Variants in EEF2K observed in about 807,000 individuals in gnomAD.
EEF2K encodes alternative protein EEF2K.
EEF2K carries 70 observed loss-of-function variants against 93.8 expected under a neutral mutation model. That is an observed-to-expected ratio of 0.75 (90% CI 0.62 to 0.91). The LOEUF is 0.91. Ranked by LOEUF, EEF2K falls within the 40% of genes least tolerant of loss-of-function variation. The pLI, the probability that EEF2K is intolerant of heterozygous loss-of-function variation, is 0.00. For synonymous variants in EEF2K, 376 were observed against 380.8 expected (o/e 0.99, Z 0.15); for missense variants, 935 against 972.9 (o/e 0.96, Z 0.52).
intron 2 of EEF2K, among the ~76,000 whole-genome samples, chr16:22,226,816 C>T (rs1290902318): frequency 6.6e-6 from 1 of 152,204 alleles, no homozygotes; most frequent in Non-Finnish European, 1.5e-5. Context: ...TGTCTCACAC[C>T]TGTGATGCCA....
intron 15 of EEF2K, among the ~76,000 whole-genome samples, chr16:22,270,559 G>A (rs75175723): frequency 1.3e-5 from 2 of 152,050 alleles, no homozygotes; most frequent in Admixed American, 1.3e-4. Flanking sequence ...CCAGCTCCCC[G>A]ATTCTTTTTG....
intron 2 of EEF2K, among the ~76,000 whole-genome samples, chr16:22,233,869 A>T (rs1284025322): frequency 1.3e-5 from 2 of 152,118 alleles, no homozygotes; most frequent in Non-Finnish European, 2.9e-5. Flanking sequence ...CTCCCACCTC[A>T]GCCTCCCGAG....
In EEF2K at chr16:22,223,176, T is replaced by C. The variant is rs1426964857; in HGVS notation, c.-76-2478T>C. ...CTAGTGGTTGTAAGTTTCATCCATA[T>C]TGTAGTGTATGTCAGCACCTAGGAG... is the stretch of plus-strand genomic sequence containing the variant. On this transcript the variant is annotated intron_variant, in intron 1 of 17. Coordinates refer to ENST00000263026, the MANE Select transcript of EEF2K (RefSeq NM_013302.5). Among the ~76,000 whole-genome samples, 7 of 152,262 alleles carry C rather than the reference T, an allele frequency of 4.6e-5. 1 individual carries two copies. Among genetic ancestry groups the C allele is most frequent in the South Asian group, 4.1e-4 (2 of 4,822 alleles).
intron 1 of EEF2K, among the ~76,000 whole-genome samples, chr16:22,223,926 G>C (rs1038906974): frequency 1.5e-4 from 23 of 152,122 alleles, no homozygotes; most frequent in African/African-American, 5.6e-4. Flanking sequence ...GTGCTTTTAG[G>C]CCAGGCGTGG....
In EEF2K at chr16:22,251,260, C is replaced by T. The variant is rs767258504; in HGVS notation, c.556C>T (p.Arg186Cys). ...CCGGGATGTGTACTTTGAGGACGTG[C>T]GTCTACAGATGGAGGCCAAGCTCTG... ...VDRDVYFEDV[R>C]LQMEAKLWGE... Residue 186 changes from arginine (R) to cysteine (C), a missense_variant, in exon 6 of 18, where the codon CGT becomes TGT. Arg to Cys is a radical substitution (Grantham distance 180). Transcript: ENST00000263026. 1.5e-5 allele frequency: 25 copies of T among 1,613,990 alleles called. No homozygotes were observed. The highest frequency in any genetic ancestry group is 2.2e-5 in the East Asian group (1 of 44,872).
In EEF2K at chr16:22,207,162, C is replaced by T. The variant is rs891056877; in HGVS notation, c.-77+483C>T. Among the ~76,000 whole-genome samples the T allele has an allele frequency of 8.5e-5, 13 of 152,176 alleles. 1 individual carries two copies. The highest frequency in any genetic ancestry group is 5.9e-4 in the Admixed American group (9 of 15,280). On this transcript the variant is annotated intron_variant, in intron 1 of 17. Transcript: ENST00000263026. ...TTGGCTGCGGGAGTTTGTTGGCAGGCGCTGCTGACATGTGTGCCAAGGGGC... is the reference window on the plus strand; with the variant it reads ...TTGGCTGCGGGAGTTTGTTGGCAGGTGCTGCTGACATGTGTGCCAAGGGGC...
rs376491451 is a variant in EEF2K at position 22,225,954 on chromosome 16, G to A, written c.225G>A (p.Pro75=). 11 of 1,613,922 alleles carry A rather than the reference G, an allele frequency of 6.8e-6. No individual in the cohort carries two copies. The highest frequency in any genetic ancestry group is 2.2e-5 in the East Asian group (1 of 44,900). Residue 75 remains proline, a synonymous_variant, in exon 2 of 18, where the codon CCG becomes CCA. Coordinates refer to ENST00000263026, the MANE Select transcript of EEF2K (RefSeq NM_013302.5). ...AGCGGTATAGCTCCAGCGGGTCCCCGGCAAACTCCTTCCACTTCAAGGTGA... is the reference window on the plus strand; with the variant it reads ...AGCGGTATAGCTCCAGCGGGTCCCCAGCAAACTCCTTCCACTTCAAGGTGA... ...KSERYSSSGS[P]ANSFHFKEAW...
chr16:22,239,439 T>A (rs1434126795), intron 2 of EEF2K, among the ~76,000 whole-genome samples: 2 of 152,088 alleles, frequency 1.3e-5, no homozygotes, highest in Non-Finnish European at 2.9e-5. Context: ...CCCTGCAGGC[T>A]CTCCTGACAG....
intron 3 of EEF2K, among the ~76,000 whole-genome samples, chr16:22,245,216 T>C (rs2047275008): frequency 1.3e-5 from 2 of 152,128 alleles, no homozygotes; most frequent in South Asian, 4.1e-4. Context: ...TGCAGTGAGC[T>C]GATATAGCAC....
chr16:22,251,436 T>A, intron 6 of EEF2K, 114 bp downstream of exon 6: 1 of 1,289,540 alleles, frequency 7.8e-7, no homozygotes, highest in Non-Finnish European at 1.0e-6. Flanking sequence ...TTTTTTGAGA[T>A]GAAGTCTTGC....
intron 3 of EEF2K, among the ~76,000 whole-genome samples, chr16:22,247,409 C>T (rs1376018725): frequency 6.6e-6 from 1 of 151,156 alleles, no homozygotes. Flanking sequence ...GATTGCTCCA[C>T]TGCACTCCAG....
intron 6 of EEF2K, among the ~76,000 whole-genome samples, chr16:22,254,003 G>T (rs2047375801): frequency 6.6e-6 from 1 of 152,156 alleles, no homozygotes; most frequent in African/African-American, 2.4e-5. Flanking sequence ...GGAGGCTGAG[G>T]CAGGAGAATC....
At chr16:22,280,152 T>G (rs2047678001) in intron 16 of EEF2K, 46 bp from the exon 17 acceptor site, 2 of 1,424,670 alleles carry the variant, frequency 1.4e-6, no homozygotes, top group Admixed American at 2.7e-5. Flanking sequence ...CCTGCCACCC[T>G]GTTGCCATGG....
chr16:22,222,446 C>T lies in EEF2K; in HGVS notation c.-76-3208C>T, dbSNP rs193195377. ...CTGGTCTTAAACTTCTGGGCTCAAG[C>T]GATCCTCCCACCTCGGCCTCCCAAA... On this transcript the variant is annotated intron_variant, in intron 1 of 17. Transcript: ENST00000263026. Among the ~76,000 whole-genome samples the T allele has an allele frequency of 3.0e-3, 459 of 151,950 alleles. 6 individuals are homozygous for T. Among genetic ancestry groups the T allele is most frequent in the Middle Eastern group, 0.017 (5 of 294 alleles).
At chr16:22,247,480 T>G (rs2141667281) in intron 3 of EEF2K, among the ~76,000 whole-genome samples, 1 of 151,574 alleles carries the variant, frequency 6.6e-6, no homozygotes, top group Admixed American at 6.6e-5. Flanking sequence ...CTTACATGAA[T>G]TTTCTGTGCA....
Position 22,266,751 on chromosome 16 carries a change from G to C in EEF2K, c.1639G>C (p.Asp547His), listed in dbSNP as rs774827187. Reference protein sequence around the residue: ...GRFCEKGEEWDQESAVFHLEH... With the variant: ...GRFCEKGEEWHQESAVFHLEH... The stretch of plus-strand genomic sequence containing the variant: ...CTTCTGCGAGAAGGGCGAGGAGTGG[G>C]ACCAGGAGTCGGCTGTCTTCCACCT... The change falls in exon 15 of 18, where the codon GAC (aspartate) becomes CAC (histidine). Residue 547 changes from aspartate (D) to histidine (H), a missense_variant. Coordinates refer to ENST00000263026, the MANE Select transcript of EEF2K (RefSeq NM_013302.5). 1 of 1,614,172 alleles carries C rather than the reference G, an allele frequency of 6.2e-7. No individual in the cohort carries two copies. The highest frequency in any genetic ancestry group is 1.1e-5 in the South Asian group (1 of 91,072).
intron 2 of EEF2K, among the ~76,000 whole-genome samples, chr16:22,232,106 A>G (rs2047121985): frequency 6.6e-6 from 1 of 151,162 alleles, no homozygotes; most frequent in Admixed American, 6.6e-5. Context: ...ACTCACACAC[A>G]TCTGGAAGCT....
chr16:22,254,894 A>G (rs974491851), intron 6 of EEF2K, among the ~76,000 whole-genome samples: 1 of 152,054 alleles, frequency 6.6e-6, no homozygotes, highest in Non-Finnish European at 1.5e-5. Context: ...CAACATGGTA[A>G]AACCCATCTC....
At chr16:22,227,849 C>G (rs575926569) in intron 2 of EEF2K, among the ~76,000 whole-genome samples, 1 of 151,798 alleles carries the variant, frequency 6.6e-6, no homozygotes, top group Admixed American at 6.6e-5. Flanking sequence ...GTAATCCCAG[C>G]GCTTTGGGAG....
Sources: gnomAD v4.1 joint callset for allele counts (sites outside exome capture counted in the v4.1 genomes callset) on GRCh38, gnomAD v4.1.1 for gene constraint, MANE v1.5 for transcripts, NCBI Gene and HGNC (gene_info 2026-07-23, HGNC 2026-07-21) for gene names.